Variants in ATXN3 observed in about 807,000 individuals in gnomAD.
The protein encoded by ATXN3 is ataxin 3, also known as ataxin-3.
In ATXN3, 28 loss-of-function variants were observed where a neutral mutation model predicts 58.2. The ratio of observed to expected loss-of-function variants is 0.48; its 90% CI spans 0.36 to 0.66. The LOEUF is 0.66. ATXN3 is among the 30% of genes least tolerant of loss of function. The pLI is 0.00. For synonymous variants in ATXN3, 113 were observed against 138.5 expected, an observed-to-expected ratio of 0.82 and a Z score of 1.29; for missense variants, 321 against 422.1, an observed-to-expected ratio of 0.76 and a Z score of 2.10.
intron 3 of ATXN3, 61 bp downstream of exon 3, chr14:92,096,032 A>G: frequency 7.6e-7 from 1 of 1,320,884 alleles, no homozygotes; most frequent in African/African-American, 1.4e-5. Context: ...TGACTATTGA[A>G]AGGCTGTGAA....
At chr14:92,054,506 G>A (rs1273577720), downstream of ATXN3, among the ~76,000 whole-genome samples, 1 of 152,148 alleles carries the variant, frequency 6.6e-6, no homozygotes, top group Admixed American at 6.5e-5. Context: ...GCAACATCAG[G>A]AAGTTACCCT....
At chr14:92,085,134 C>G (rs1595789214) in intron 6 of ATXN3, among the ~76,000 whole-genome samples, 1 of 151,784 alleles carries the variant, frequency 6.6e-6, no homozygotes, top group Admixed American at 6.6e-5. Flanking sequence ...GATACTCTGC[C>G]CTGTTCAGGG....
upstream of ATXN3, among the ~76,000 whole-genome samples, chr14:92,052,643 ATATTGCAC>A (rs1186006159): frequency 9.2e-5 from 14 of 152,306 alleles, no homozygotes; most frequent in East Asian, 2.7e-3. Context: ...GCCAGTGCCC[ATATTGCAC>A]TCCCTCATCC....
At chr14:92,080,876 C>G (rs971265615) in intron 9 of ATXN3, 89 bp downstream of exon 9, 1 of 1,039,844 alleles carries the variant, frequency 9.6e-7, no homozygotes, top group South Asian at 1.3e-5. Context: ...CAAATATTCA[C>G]AGGATTCAGG....
At chr14:92,057,174 T>C (rs923581846), downstream of ATXN3, among the ~76,000 whole-genome samples, 4 of 152,158 alleles carry the variant, frequency 2.6e-5, no homozygotes, top group Non-Finnish European at 4.4e-5. Context: ...TCCCAGCACT[T>C]TGGGAGGCCA....
At chr14:92,080,148 G>A (rs2061199548) in intron 9 of ATXN3, among the ~76,000 whole-genome samples, 1 of 152,158 alleles carries the variant, frequency 6.6e-6, no homozygotes. Context: ...CACTTACAAG[G>A]CTGGGCACAA....
chr14:92,074,976 C>T (rs888510141), intron 9 of ATXN3, among the ~76,000 whole-genome samples: 1 of 152,164 alleles, frequency 6.6e-6, no homozygotes, highest in African/African-American at 2.4e-5. Flanking sequence ...GTTTCACACA[C>T]ATTGCTTAAT....
chr14:92,078,628 G>A (rs150754345), intron 9 of ATXN3, among the ~76,000 whole-genome samples: 41,736 of 151,710 alleles, frequency 0.28, 5,961 homozygotes, highest in East Asian at 0.44. Flanking sequence ...CTCCCAAAGT[G>A]CTGGGATTAC....
intron 1 of ATXN3, among the ~76,000 whole-genome samples, chr14:92,103,121 A>C (rs55656618): frequency 6.0e-5 from 9 of 150,298 alleles, no homozygotes; most frequent in African/African-American, 2.0e-4. Context: ...AAAAAAAAAA[A>C]AAAAAACAAA....
chr14:92,095,809 G>T lies in ATXN3; in HGVS notation c.234+284C>A, dbSNP rs112033378. On this transcript the variant is annotated intron_variant, in intron 3 of 10. Coordinates refer to ENST00000644486, the MANE Select transcript of ATXN3 (RefSeq NM_004993.6). ...AATACAAATATTAACTGGTGTGGTGGCGGGTGCCTGTAATCCCAGCTACTT... is the reference window on the plus strand; with the variant it reads ...AATACAAATATTAACTGGTGTGGTGTCGGGTGCCTGTAATCCCAGCTACTT... Among the ~76,000 whole-genome samples the T allele has an allele frequency of 5.2e-4, 79 of 152,030 alleles. 1 individual carries two copies. Among genetic ancestry groups the T allele is most frequent in the African/African-American group, 1.7e-3 (70 of 41,478 alleles).
chr14:92,051,714 C>CTTTTTTT (rs1309210142), upstream of ATXN3, among the ~76,000 whole-genome samples: 6 of 35,292 alleles, frequency 1.7e-4, no homozygotes, highest in South Asian at 9.3e-4. Context: ...TCTTCTTTTC[C>CTTTTTTT]TTTCTTTTTT....
chr14:92,104,257 C>A (rs889384135), intron 1 of ATXN3, among the ~76,000 whole-genome samples: 5 of 152,220 alleles, frequency 3.3e-5, no homozygotes, highest in African/African-American at 1.2e-4. Flanking sequence ...TCTCCTGCCT[C>A]AGCCTCCAGA....
At chr14:92,075,156 G>GTTTTT (rs376552690) in intron 9 of ATXN3, among the ~76,000 whole-genome samples, 51 of 111,348 alleles carry the variant, frequency 4.6e-4, no homozygotes, top group Non-Finnish European at 6.8e-4. Context: ...GTAATAGGGA[G>GTTTTT]TTTTTTTTTT....
intron 2 of ATXN3, 150 bp from the exon 3 acceptor site, chr14:92,096,287 T>C (rs951881844): frequency 2.0e-5 from 31 of 1,524,396 alleles, no homozygotes; most frequent in Middle Eastern, 1.8e-4. Flanking sequence ...CAGATCCCTA[T>C]AGGAAGAATG....
At position 92,060,841 on chromosome 14, in the gene ATXN3, T is replaced by C. The variant is rs1369143687; in HGVS notation, c.*3479A>G. ...TCTGTCGCCAGGGTTCAAGCAATTC[T>C]CCTGCCTCAGACTCCCAGGTAGCTG... On this transcript the variant is annotated 3_prime_UTR_variant, in exon 11 of 11. Coordinates refer to ENST00000644486, the MANE Select transcript of ATXN3 (RefSeq NM_004993.6). 1.3e-5 allele frequency: 2 copies of C among 151,694 alleles called. No individual in the cohort carries two copies. The highest frequency in any genetic ancestry group is 4.8e-5 in the African/African-American group (2 of 41,324). The allele number at this position is 151,694 out of a possible 1,614,324, so 9.4% of individuals were successfully genotyped here.
At chr14:92,069,535 GCT>G (rs779281971) in intron 10 of ATXN3, among the ~76,000 whole-genome samples, 70 of 151,926 alleles carry the variant, frequency 4.6e-4, no homozygotes, top group Non-Finnish European at 8.2e-4. Flanking sequence ...ATCACGCCTG[GCT>G]AATTTTTGTA....
chr14:92,048,420 G>T (rs927443709), intron 1 of ATXN3, among the ~76,000 whole-genome samples: 1 of 152,186 alleles, frequency 6.6e-6, no homozygotes, highest in Non-Finnish European at 1.5e-5. Flanking sequence ...TTCTAATGTC[G>T]GGAGTGGGTT....
At chr14:92,085,647 T>C (rs2062302846) in intron 6 of ATXN3, among the ~76,000 whole-genome samples, 2 of 152,130 alleles carry the variant, frequency 1.3e-5, no homozygotes, top group Admixed American at 1.3e-4. Flanking sequence ...CTTATGGAAA[T>C]GGAAAACCTG....
chr14:92,081,580 T>C (rs872756), intron 8 of ATXN3, among the ~76,000 whole-genome samples: 43,746 of 150,242 alleles, frequency 0.29, 6,734 homozygotes, highest in East Asian at 0.45. Flanking sequence ...TTGCACACCA[T>C]ATGGAGTACT....
Sources: allele counts gnomAD v4.1 joint callset (sites outside exome capture counted in the v4.1 genomes callset), GRCh38; gene constraint gnomAD v4.1.1; transcripts MANE v1.5; gene names NCBI Gene and HGNC (gene_info 2026-07-23, HGNC 2026-07-21).